Variants in WNT11 observed in about 807,000 individuals in gnomAD.
The protein encoded by WNT11 is protein Wnt-11.
A neutral mutation model predicts 35.6 loss-of-function variants in WNT11; 20 were observed. The ratio of observed to expected loss-of-function variants is 0.56; its 90% CI spans 0.40 to 0.82. The LOEUF (loss-of-function observed/expected upper bound fraction) is 0.82. Ranked by LOEUF, WNT11 falls within the 40% of genes least tolerant of loss-of-function variation. The pLI is 0.00. For synonymous variants in WNT11, 200 were observed against 211.9 expected (o/e 0.94, Z 0.49); for missense variants, 459 against 504.4 (o/e 0.91, Z 0.86).
At position 76,197,638 on chromosome 11, in the gene WNT11, T is replaced by G. The variant is rs147008244; in HGVS notation, c.84-920A>C. On this transcript the variant is annotated intron_variant, in intron 1 of 4. Transcript: ENST00000322563. ...ATTGAGTACAGTGAGCACAGAGCCC[T>G]TTGCTTGAGGCTGCTGACTTCATCC... 4.2e-3 allele frequency among the ~76,000 whole-genome samples: 644 copies of G among 152,270 alleles called. 7 individuals are homozygous for G. Among genetic ancestry groups the G allele is most frequent in the African/African-American group, 0.015 (614 of 41,556 alleles).
At position 76,186,661 on chromosome 11, in the gene WNT11, T is replaced by C. The variant is rs577905843; in HGVS notation, c.*404A>G. 9.2e-4 allele frequency: 311 copies of C among 337,392 alleles called. 2 individuals carry two copies. Among genetic ancestry groups the C allele is most frequent in the South Asian group, 6.0e-3 (244 of 40,836 alleles). 20.9% of individuals were successfully genotyped at this position (337,392 alleles called of 1,614,324 possible). A position where few individuals can be genotyped will look rare whatever the true frequency, so the allele number is the denominator to read the frequency against. On this transcript the variant is annotated 3_prime_UTR_variant, in exon 5 of 5. Transcript: ENST00000322563. The stretch of plus-strand genomic sequence containing the variant: ...ATTCCATGTGGTGGGCCCAGCAGGC[T>C]CAGACCCCAGGGTGGGCCAGGGGGT...
intron 4 of WNT11, among the ~76,000 whole-genome samples, chr11:76,189,461 A>G (rs886824540): frequency 6.6e-6 from 1 of 152,132 alleles, no homozygotes; most frequent in Non-Finnish European, 1.5e-5. Context: ...ATATGACAAG[A>G]GGGCTAGGGT....
intron 4 of WNT11, among the ~76,000 whole-genome samples, chr11:76,189,442 CT>C (rs1953146682): frequency 6.6e-6 from 1 of 152,162 alleles, no homozygotes; most frequent in Admixed American, 6.5e-5. Flanking sequence ...GTGCAGGCCT[CT>C]GGAAGAAATA....
At position 76,186,690 on chromosome 11, in the gene WNT11, G is replaced by A. The variant is rs971570257; in HGVS notation, c.*375C>T. 3.4e-4 allele frequency: 124 copies of A among 368,358 alleles called. 2 individuals are homozygous for A. The highest frequency in any genetic ancestry group is 1.6e-3 in the African/African-American group (76 of 47,406). 22.8% of individuals were successfully genotyped at this position (368,358 alleles called of 1,614,324 possible). ...ACCCCAGGGTGGGCCAGGGGGTCCC[G>A]CAGAACATTCTGAAGAAGGCGGGCA... On this transcript the variant is annotated 3_prime_UTR_variant, in exon 5 of 5. Coordinates refer to ENST00000322563, the MANE Select transcript of WNT11 (RefSeq NM_004626.3).
chr11:76,189,130 AC>A (rs1271036054), intron 4 of WNT11, among the ~76,000 whole-genome samples: 1 of 152,182 alleles, frequency 6.6e-6, no homozygotes, highest in African/African-American at 2.4e-5. Flanking sequence ...AGGTCACTGA[AC>A]CTTTTTGGGC....
chr11:76,194,611 C>T lies in WNT11; in HGVS notation c.553G>A (p.Ala185Thr). Residue 185 changes from alanine to threonine, a missense_variant, in exon 3 of 5, where the codon GCC becomes ACC. Physicochemically the swap from Ala to Thr is moderately conservative, Grantham distance 58. Coordinates refer to ENST00000322563, the MANE Select transcript of WNT11 (RefSeq NM_004626.3). This position sits in a 1 kb window ranked among gnomAD's most constrained non-coding sequence, Gnocchi z 5.4. ...TTGTGTAGACGCATCAGTTTATTGG[C>T]TTGGGATCCTGTTTTTTTCACCTTC... ...PMKVKKTGSQ[A>T]NKLMRLHNSE... The T allele has an allele frequency of 6.4e-7, 1 of 1,550,406 alleles. No individual in the cohort carries two copies. The highest frequency in any genetic ancestry group is 8.7e-7 in the Non-Finnish European group (1 of 1,146,956).
upstream of WNT11, chr11:76,210,541 C>T: frequency 1.0e-6 from 1 of 985,270 alleles, no homozygotes; most frequent in Non-Finnish European, 1.2e-6. Flanking sequence ...GCGGCGAGTG[C>T]GGTTTCCAGC....
chr11:76,194,573 C>G lies in WNT11; in HGVS notation c.591G>C (p.Gly197=), dbSNP rs538788371. ...KLMRLHNSEV[G]RQALRASLEM... is the part of the protein sequence containing the mutation. Reference sequence around the variant, plus strand: ...GGGTGGGGTGGGTGGTTACCTGTCTCCCCACTTCACTGTTGTGTAGACGCA... The same window carrying G: ...GGGTGGGGTGGGTGGTTACCTGTCTGCCCACTTCACTGTTGTGTAGACGCA... Residue 197 remains glycine (G), a synonymous_variant, in exon 3 of 5, where the codon GGG becomes GGC. Coordinates refer to ENST00000322563, the MANE Select transcript of WNT11 (RefSeq NM_004626.3). This position sits in a 1 kb window ranked among gnomAD's most constrained non-coding sequence, Gnocchi z 5.4. The G allele has an allele frequency of 1.3e-4, 202 of 1,545,698 alleles. 2 individuals carry two copies. Among genetic ancestry groups the G allele is most frequent in the South Asian group, 1.0e-3 (88 of 83,902 alleles).
rs779203205 is a variant in WNT11, at chr11:76,187,089, G to C, written c.1041C>G (p.Thr347=). The change falls in exon 5 of 5, where the codon ACC becomes ACG. Residue 347 remains threonine, a synonymous_variant. Coordinates refer to ENST00000322563, the MANE Select transcript of WNT11 (RefSeq NM_004626.3). ...CYVTCRRCER[T]VERYVCK is the part of the protein sequence containing the mutation. Reference sequence around the variant, plus strand: ...CTCACTTGCAGACATAGCGCTCCACGGTACGCTCACACCTGCGGCAGGTGA... The same window carrying C: ...CTCACTTGCAGACATAGCGCTCCACCGTACGCTCACACCTGCGGCAGGTGA... The C allele has an allele frequency of 6.2e-7, 1 of 1,611,636 alleles. No homozygotes were observed. Among genetic ancestry groups the C allele is most frequent in the East Asian group, 2.2e-5 (1 of 44,874 alleles).
intron 3 of WNT11, among the ~76,000 whole-genome samples, chr11:76,193,255 C>T (rs530190810): frequency 6.6e-6 from 1 of 152,368 alleles, no homozygotes; most frequent in African/African-American, 2.4e-5. Flanking sequence ...AGCCCTGCAC[C>T]TTGCAGGGAC....
rs1174013486 is a variant in WNT11, at chr11:76,191,621, C to A, written c.833G>T (p.Ser278Ile). 2 of 1,613,824 alleles carry A rather than the reference C, an allele frequency of 1.2e-6. No homozygotes were observed. The highest frequency in any genetic ancestry group is 1.7e-5 in the Admixed American group (1 of 60,008). The change falls in exon 4 of 5, where the codon AGC becomes ATC. Residue 278 changes from serine to isoleucine, a missense_variant. By Grantham distance (142) the Ser-to-Ile change is moderately radical (BLOSUM62 -2). Coordinates refer to ENST00000322563, the MANE Select transcript of WNT11 (RefSeq NM_004626.3). ...ATTCTTCATGCAGAAGTCAGGTGAG[C>A]TCTGCAGATAGACGAGTTCCGAGTC... ...VKDSELVYLQ[S>I]SPDFCMKNEK... is the part of the protein sequence containing the mutation.
chr11:76,188,003 G>A (rs1953124131), intron 4 of WNT11, among the ~76,000 whole-genome samples: 1 of 152,204 alleles, frequency 6.6e-6, no homozygotes, highest in Non-Finnish European at 1.5e-5. Flanking sequence ...GAGTAGCTGG[G>A]ATTACAGGCG....
chr11:76,200,255 A>G (rs1430088385), intron 1 of WNT11, among the ~76,000 whole-genome samples: 1 of 152,178 alleles, frequency 6.6e-6, no homozygotes, highest in Admixed American at 6.5e-5. Context: ...AGATGCCAGC[A>G]TCCGGCACAG....
chr11:76,189,947 G>T (rs2134566562), intron 4 of WNT11, among the ~76,000 whole-genome samples: 1 of 152,330 alleles, frequency 6.6e-6, no homozygotes, highest in South Asian at 2.1e-4. Flanking sequence ...GGAAACCTGT[G>T]GGGGCTGTGA....
upstream of WNT11, among the ~76,000 whole-genome samples, chr11:76,210,000 C>A (rs1030033933): frequency 6.6e-6 from 1 of 151,746 alleles, no homozygotes; most frequent in East Asian, 2.0e-4. Context: ...GCCCCCATCC[C>A]CAATTTACTA....
intron 1 of WNT11, among the ~76,000 whole-genome samples, chr11:76,199,502 TA>T (rs1474009466): frequency 6.6e-6 from 1 of 151,436 alleles, no homozygotes; most frequent in Non-Finnish European, 1.5e-5. Flanking sequence ...TGGTGAGACT[TA>T]AATAACAGAA....
intron 1 of WNT11, among the ~76,000 whole-genome samples, chr11:76,200,950 G>A (rs1317006511): frequency 6.6e-6 from 1 of 152,248 alleles, no homozygotes; most frequent in Admixed American, 6.5e-5. Context: ...GGACGATGGG[G>A]GCTGAGCCTC....
At chr11:76,198,733 T>C (rs997416186) in intron 1 of WNT11, among the ~76,000 whole-genome samples, 7 of 152,220 alleles carry the variant, frequency 4.6e-5, no homozygotes, top group South Asian at 2.1e-4. Flanking sequence ...CCAGCTGTTC[T>C]CACTCCTGGC....
chr11:76,206,630 C>T (rs974109315), upstream of WNT11: 97 of 959,922 alleles, frequency 1.0e-4, no homozygotes, highest in Middle Eastern at 3.7e-3. Context: ...CCGCTCCGCC[C>T]GGCCGGGGGA....
Sources: allele counts gnomAD v4.1 joint callset (sites outside exome capture counted in the v4.1 genomes callset), GRCh38; gene constraint gnomAD v4.1.1; non-coding constraint Gnocchi (gnomAD v3.1); transcripts MANE v1.5; gene names NCBI Gene and HGNC (gene_info 2026-07-23, HGNC 2026-07-21).